Variants in NRP2 observed in about 807,000 individuals in gnomAD.
NRP2 encodes the protein neuropilin-2.
Under a neutral mutation model 110.4 loss-of-function variants are expected in NRP2, and 52 were observed. The ratio of observed to expected loss-of-function variants is 0.47; its 90% CI spans 0.38 to 0.59. The LOEUF (loss-of-function observed/expected upper bound fraction) is 0.59. Ranked by LOEUF, NRP2 falls within the 20% of genes least tolerant of loss-of-function variation. NRP2 has a pLI of 0.00. For missense variants in NRP2, 1,049 were observed against 1,203.0 expected, an observed-to-expected ratio of 0.87 and a Z score of 1.89; for synonymous variants, 508 against 468.9, an observed-to-expected ratio of 1.08 and a Z score of -1.08.
Position 205,690,962 on chromosome 2 carries a change from TTAA to T in NRP2, c.74-6578_74-6576del, listed in dbSNP as rs529837377. The stretch of plus-strand genomic sequence containing the variant: ...ATTCACCACTAAGAAACATTTGCAC[TTAA>T]TAACAGCTGGGGGTGGGGAGGGAAG... On this transcript the variant is annotated intron_variant, in intron 1 of 16. Coordinates refer to ENST00000357785, the MANE Select transcript of NRP2 (RefSeq NM_003872.3). Among the ~76,000 whole-genome samples the T allele has an allele frequency of 1.3e-3, 197 of 152,212 alleles. 1 individual carries two copies. Among genetic ancestry groups the T allele is most frequent in the African/African-American group, 3.5e-3 (147 of 41,536 alleles).
rs772877594 is a variant in NRP2, at chr2:205,716,328, C to A, written c.387C>A (p.Ala129=). ...ACATCAAGTTCACCTCCGACTACGC[C>A]CGGCAGGGGGCAGGCTTCTCTCTGC... ...MLYIKFTSDY[A]RQGAGFSLRY... Residue 129 remains alanine (A), a synonymous_variant, in exon 3 of 17, where the codon GCC becomes GCA. Coordinates refer to ENST00000357785, the MANE Select transcript of NRP2 (RefSeq NM_003872.3). 331 of 1,614,120 alleles carry A rather than the reference C, an allele frequency of 2.1e-4. 4 individuals are homozygous for A. In the Middle Eastern group the frequency reaches 3.0e-3, roughly 14 times the overall value.
chr2:205,723,797 T>C lies in NRP2; in HGVS notation c.677T>C (p.Ile226Thr). 4 of 1,614,176 alleles carry C rather than the reference T, an allele frequency of 2.5e-6. No individual in the cohort carries two copies. Among genetic ancestry groups the C allele is most frequent in the Non-Finnish European group, 3.4e-6 (4 of 1,180,030 alleles). The change falls in exon 5 of 17, where the codon ATT becomes ACT. Residue 226 changes from isoleucine (I) to threonine (T), a missense_variant. By Grantham distance (89) the Ile-to-Thr change is moderately conservative. Coordinates refer to ENST00000357785, the MANE Select transcript of NRP2 (RefSeq NM_003872.3). ...WDGIPHVGPL[I>T]GKYCGTKTPS... ...CTTGAATGTCCAGTTGGCCCCCTGA[T>C]TGGCAAGTACTGTGGGACCAAAACA...
intron 15 of NRP2, among the ~76,000 whole-genome samples, chr2:205,782,291 C>T (rs1487504371): frequency 1.3e-5 from 2 of 152,102 alleles, no homozygotes; most frequent in Admixed American, 1.3e-4. Flanking sequence ...ACCATTTGAA[C>T]AGTCAACAAC....
chr2:205,768,063 C>T (rs1305864143), intron 15 of NRP2: 1 of 152,278 alleles, frequency 6.6e-6, no homozygotes, highest in African/African-American at 2.4e-5. Context: ...AGCTCTAAGA[C>T]AGCCAGTGAG....
At chr2:205,754,533 C>A (rs749745290) in intron 12 of NRP2, among the ~76,000 whole-genome samples, 1 of 152,212 alleles carries the variant, frequency 6.6e-6, no homozygotes, top group Non-Finnish European at 1.5e-5. Flanking sequence ...CCCAGTCCAG[C>A]CTTAATCACC....
chr2:205,751,589 T>C (rs1395092264), intron 11 of NRP2, among the ~76,000 whole-genome samples: 1 of 152,140 alleles, frequency 6.6e-6, no homozygotes, highest in East Asian at 1.9e-4. Context: ...AAACATTAAA[T>C]ATCCTGTCCT....
At chr2:205,751,937 C>T (rs758660929) in intron 11 of NRP2, among the ~76,000 whole-genome samples, 1 of 152,196 alleles carries the variant, frequency 6.6e-6, no homozygotes, top group Non-Finnish European at 1.5e-5. Context: ...TCCACACCAC[C>T]CCCACTTAGT....
chr2:205,743,140 C>T (rs1237805677), intron 8 of NRP2, 63 bp from the exon 9 acceptor site: 44 of 1,600,518 alleles, frequency 2.7e-5, no homozygotes, highest in East Asian at 2.2e-4. Context: ...CTTCTTATAG[C>T]GGGTGGTCCC....
At chr2:205,729,024 C>T (rs1406750038) in intron 7 of NRP2, among the ~76,000 whole-genome samples, 1 of 152,150 alleles carries the variant, frequency 6.6e-6, no homozygotes, top group Admixed American at 6.5e-5. Context: ...TGTGAATTAT[C>T]AAAATGGGGC....
At chr2:205,717,408 T>A (rs1476757240) in intron 3 of NRP2, among the ~76,000 whole-genome samples, 3 of 152,196 alleles carry the variant, frequency 2.0e-5, no homozygotes, top group Non-Finnish European at 4.4e-5. Flanking sequence ...GAACTATTCA[T>A]ATATATTTTC....
chr2:205,722,567 T>A lies in NRP2; in HGVS notation c.523T>A (p.Cys175Ser), dbSNP rs2057041978. 6.2e-7 allele frequency: 1 copy of A among 1,614,092 alleles called. No individual in the cohort carries two copies. Among genetic ancestry groups the A allele is most frequent in the Non-Finnish European group, 8.5e-7 (1 of 1,180,046 alleles). ...TGAGAAGTATCCACACAACTTGGAC[T>A]GCACCTTTACCATCCTGGCCAAACC... ...FPEKYPHNLD[C>S]TFTILAKPKM... The change falls in exon 4 of 17, where the codon TGC (cysteine) becomes AGC (serine). Residue 175 changes from cysteine (C) to serine (S), a missense_variant. Cys to Ser is a moderately radical substitution (Grantham distance 112). Transcript: ENST00000357785.
At position 205,796,512 on chromosome 2, in the gene NRP2, G is replaced by A. The variant is rs2058353614; in HGVS notation, c.*1454G>A. Reference sequence around the variant, plus strand: ...GTGCCTTGAAAAAATGAAGAAAAATGTATTTTCCCTTTATGTAAAAATTAG... The same window carrying A: ...GTGCCTTGAAAAAATGAAGAAAAATATATTTTCCCTTTATGTAAAAATTAG... On this transcript the variant is annotated 3_prime_UTR_variant, in exon 17 of 17. Coordinates refer to ENST00000357785, the MANE Select transcript of NRP2 (RefSeq NM_003872.3). 6.6e-6 allele frequency: 1 copy of A among 152,526 alleles called. No homozygotes were observed. Among genetic ancestry groups the A allele is most frequent in the African/African-American group, 2.4e-5 (1 of 41,416 alleles). The allele number at this position is 152,526 out of a possible 1,614,324, so 9.4% of individuals were successfully genotyped here.
chr2:205,758,651 G>GAT (rs2057772170), intron 12 of NRP2, among the ~76,000 whole-genome samples: 3 of 152,322 alleles, frequency 2.0e-5, no homozygotes, highest in South Asian at 4.1e-4. Context: ...TTTGGGTCAA[G>GAT]GACCCAGCGA....
At chr2:205,694,818 GA>G (rs2056389691) in intron 1 of NRP2, among the ~76,000 whole-genome samples, 1 of 152,230 alleles carries the variant, frequency 6.6e-6, no homozygotes, top group African/African-American at 2.4e-5. Context: ...ATCAAGAGGA[GA>G]AGTAGAATGA....
chr2:205,697,848 G>A (rs2056468467), intron 2 of NRP2, 127 bp downstream of exon 2: 1 of 965,176 alleles, frequency 1.0e-6, no homozygotes, highest in Admixed American at 1.7e-5. Context: ...GTGGATCCTG[G>A]CCCCAGAGGA....
At chr2:205,688,991 G>A (rs1022615108) in intron 1 of NRP2, among the ~76,000 whole-genome samples, 1 of 152,216 alleles carries the variant, frequency 6.6e-6, no homozygotes, top group African/African-American at 2.4e-5. Flanking sequence ...AGGATGACAA[G>A]GAGCTGAGTG....
intron 2 of NRP2, among the ~76,000 whole-genome samples, chr2:205,706,455 T>TA (rs1352479589): frequency 6.6e-6 from 1 of 152,186 alleles, no homozygotes; most frequent in African/African-American, 2.4e-5. Flanking sequence ...ATGCAGGTTT[T>TA]AATGGAAGAG....
rs572674971 is a variant in NRP2 at position 205,763,967 on chromosome 2, C to T, written c.2307+31C>T. ...GTGAGCAAAAAGGGAATCTTGTGAT[C>T]CGTATTTCAATATTTCAAGGGCCGA... is the stretch of plus-strand genomic sequence containing the variant. On this transcript the variant is annotated intron_variant, in intron 13 of 16. Coordinates refer to ENST00000357785, the MANE Select transcript of NRP2 (RefSeq NM_003872.3). This position sits in a 1 kb window ranked among gnomAD's most constrained non-coding sequence, Gnocchi z 4.0. The T allele has an allele frequency of 1.6e-5, 26 of 1,612,900 alleles. No individual in the cohort carries two copies. The highest frequency in any genetic ancestry group is 2.1e-5 in the Non-Finnish European group (25 of 1,179,474).
intron 2 of NRP2, among the ~76,000 whole-genome samples, chr2:205,705,884 CT>C (rs2105762803): frequency 6.6e-6 from 1 of 152,160 alleles, no homozygotes; most frequent in East Asian, 1.9e-4. Flanking sequence ...CTTGACAAGC[CT>C]TTTCTTTTCC....
Sources: allele counts gnomAD v4.1 joint callset (sites outside exome capture counted in the v4.1 genomes callset), GRCh38; gene constraint gnomAD v4.1.1; non-coding constraint Gnocchi (gnomAD v3.1); transcripts MANE v1.5; gene names NCBI Gene and HGNC (gene_info 2026-07-23, HGNC 2026-07-21).